ADGRV1: variants seen among roughly 807,000 people sequenced by gnomAD.
The protein encoded by ADGRV1 is adhesion G protein-coupled receptor V1.
ADGRV1 carries 359 observed loss-of-function variants against 596.2 expected under a neutral mutation model. That is an observed-to-expected ratio of 0.60 (90% confidence interval 0.55 to 0.66). The LOEUF (loss-of-function observed/expected upper bound fraction) is 0.66, where lower values mean the gene tolerates loss of function less well. Among genes scored for constraint, ADGRV1 ranks in the 30% least tolerant of loss-of-function variants. The pLI, the probability that ADGRV1 is intolerant of heterozygous loss-of-function variation, is 0.00. For synonymous variants in ADGRV1, 2,681 were observed against 2,679.2 expected, an observed-to-expected ratio of 1.00 and a Z score of -0.02; for missense variants, 7,274 against 7,575.6, an observed-to-expected ratio of 0.96 and a Z score of 1.48.
At chr5:90,950,712 T>G (rs755522202) in intron 83 of ADGRV1, among the ~76,000 whole-genome samples, 1 of 152,286 alleles carries the variant, frequency 6.6e-6, no homozygotes, top group East Asian at 1.9e-4. Context: ...TTTGAGTAAC[T>G]TAAACCATTG....
intron 21 of ADGRV1, among the ~76,000 whole-genome samples, chr5:90,666,989 C>T (rs1406713387): frequency 6.6e-6 from 1 of 152,136 alleles, no homozygotes; most frequent in African/African-American, 2.4e-5. Context: ...CGTTGTTAGT[C>T]TGATGGGCTT....
rs1758491699 is a variant in ADGRV1 at position 90,778,472 on chromosome 5, C to T, written c.12712C>T (p.Gln4238Ter). 8 of 1,612,904 alleles carry T rather than the reference C, an allele frequency of 5.0e-6. No homozygotes were observed. Among genetic ancestry groups the T allele is most frequent in the African/African-American group, 2.7e-5 (2 of 74,808 alleles). ...CGAGGAAAAAAGCTTCTATGAGTTT[C>T]AGCTCACTGCAGTCAGTGAGGGAGG... ...IPEEKSFYEFQLTAVSEGGVL... is the reference protein window; with the variant it reads ...IPEEKSFYEF The change falls in exon 63 of 90, where the codon CAG becomes TAG. Residue 4238 changes from glutamine (Q) to a stop codon, truncating the protein, a stop_gained. Coordinates refer to ENST00000405460, the MANE Select transcript of ADGRV1 (RefSeq NM_032119.4). LOFTEE classifies it high-confidence loss of function.
Position 90,898,942 on chromosome 5 carries a change from T to C in ADGRV1, c.17856+35085T>C, listed in dbSNP as rs1223489604. Among the ~76,000 whole-genome samples, 3 of 151,962 alleles carry C rather than the reference T, an allele frequency of 2.0e-5. No individual in the cohort carries two copies. In the East Asian group the frequency reaches 5.8e-4, roughly 29 times the overall value. On this transcript the variant is annotated intron_variant, in intron 83 of 89. Transcript: ENST00000405460. ...GCCTGGGAAATAGAGTGAGACCCTG[T>C]CTCTAAAAAAATAAAATAAAATAAA... is the stretch of plus-strand genomic sequence containing the variant.
rs2150231208 is a variant in ADGRV1, at chr5:90,811,218, G to A, written c.15958G>A (p.Asp5320Asn). 1.2e-6 allele frequency: 2 copies of A among 1,613,166 alleles called. No individual in the cohort carries two copies. Residue 5320 changes from aspartate (D) to asparagine (N), a missense_variant, in exon 74 of 90, where the codon GAT becomes AAT. By Grantham distance (23) the Asp-to-Asn change is conservative. Around this residue, in one of 5 missense-constraint regions of ADGRV1, gnomAD observed 1,874 missense variants for 1,970.2 expected, o/e 0.95. Coordinates refer to ENST00000405460, the MANE Select transcript of ADGRV1 (RefSeq NM_032119.4). ...RKVSVQILDDDEPEGQEFFYV... is the reference protein window; with the variant it reads ...RKVSVQILDDNEPEGQEFFYV... ...AGTATCAGTTCAAATTTTGGATGAT[G>A]ATGAGCCTGAGGGGCAGGAATTCTT... is the stretch of plus-strand genomic sequence containing the variant.
chr5:91,079,465 AGT>A (rs1789147063), intron 86 of ADGRV1, among the ~76,000 whole-genome samples: 1 of 152,210 alleles, frequency 6.6e-6, no homozygotes, highest in Non-Finnish European at 1.5e-5. Flanking sequence ...GTAGTCATTC[AGT>A]GTTTGTTTTC....
intron 52 of ADGRV1, among the ~76,000 whole-genome samples, chr5:90,750,287 G>A (rs1229128440): frequency 6.6e-6 from 1 of 152,106 alleles, no homozygotes; most frequent in African/African-American, 2.4e-5. Context: ...AACAAAATTT[G>A]AAAAATATAG....
Position 91,078,149 on chromosome 5 carries a change from C to T in ADGRV1, c.18310+5545C>T, listed in dbSNP as rs376222899. On this transcript the variant is annotated intron_variant, in intron 86 of 89. Transcript: ENST00000405460. ...GAGCATTATTTGAGGATGAATGCTT[C>T]CATTTCTTCAACCTTAGAGTGAACA... 1.3e-4 allele frequency among the ~76,000 whole-genome samples: 20 copies of T among 152,144 alleles called. No homozygotes were observed. In the South Asian group the frequency reaches 4.0e-3, roughly 30 times the overall value.
intron 85 of ADGRV1, among the ~76,000 whole-genome samples, chr5:91,028,739 T>TTTTG (rs1384264941): frequency 2.0e-5 from 3 of 148,162 alleles, no homozygotes; most frequent in East Asian, 2.0e-4. Context: ...TCTGTTTTTT[T>TTTTG]TTTTTTTTTT....
intron 83 of ADGRV1, among the ~76,000 whole-genome samples, chr5:90,907,664 T>A (rs1772451931): frequency 1.3e-5 from 2 of 152,098 alleles, no homozygotes; most frequent in South Asian, 4.1e-4. Flanking sequence ...CAACCTCAAA[T>A]GGCTGGGCAT....
chr5:90,790,486 T>C (rs1477919654), intron 69 of ADGRV1, among the ~76,000 whole-genome samples: 2 of 152,222 alleles, frequency 1.3e-5, no homozygotes, highest in Non-Finnish European at 2.9e-5. Context: ...ATAGTCCTTT[T>C]TTATTAAAAA....
chr5:90,683,717 T>C lies in ADGRV1; in HGVS notation c.5796T>C (p.Thr1932=). 6.2e-7 allele frequency: 1 copy of C among 1,613,912 alleles called. No homozygotes were observed. Among genetic ancestry groups the C allele is most frequent in the Non-Finnish European group, 8.5e-7 (1 of 1,179,858 alleles). ...FEIGQTSANI[T]VEILPDEDPE... is the part of the protein sequence containing the mutation. ...TTGGGCAGACGAGCGCCAATATCAC[T>C]GTGGAGATATTGCCTGACGAAGACC... The change falls in exon 28 of 90, where the codon ACT becomes ACC. Residue 1932 remains threonine, a synonymous_variant. Transcript: ENST00000405460.
At chr5:91,049,556 T>C (rs911059961) in intron 85 of ADGRV1, among the ~76,000 whole-genome samples, 4 of 152,218 alleles carry the variant, frequency 2.6e-5, no homozygotes, top group African/African-American at 9.7e-5. Flanking sequence ...TGGCCATACC[T>C]GGACACTTGT....
At position 90,811,024 on chromosome 5, in the gene ADGRV1, T is replaced by C; in HGVS notation, c.15764T>C (p.Val5255Ala). 1 of 1,614,014 alleles carries C rather than the reference T, an allele frequency of 6.2e-7. No homozygotes were observed. Among genetic ancestry groups the C allele is most frequent in the Non-Finnish European group, 8.5e-7 (1 of 1,179,894 alleles). ...IRRTGGFTGN[V>A]SITVKTFGER... ...AGAACTGGTGGGTTTACTGGCAATG[T>C]CAGCATAACAGTTAAAACTTTCGGT... Residue 5255 changes from valine to alanine, a missense_variant, in exon 74 of 90, where the codon GTC (valine) becomes GCC (alanine). Coordinates refer to ENST00000405460, the MANE Select transcript of ADGRV1 (RefSeq NM_032119.4).
intron 85 of ADGRV1, among the ~76,000 whole-genome samples, chr5:91,008,510 T>A (rs561064024): frequency 5.9e-5 from 9 of 152,262 alleles, no homozygotes; most frequent in Admixed American, 5.9e-4. Context: ...TTATTTATTT[T>A]TTTATTTATT....
intron 86 of ADGRV1, among the ~76,000 whole-genome samples, chr5:91,089,791 A>T (rs554237542): frequency 6.6e-6 from 1 of 152,292 alleles, no homozygotes; most frequent in South Asian, 2.1e-4. Flanking sequence ...TCCAAAAATT[A>T]TGAGACCATT....
chr5:90,721,389 A>G (rs899693802), intron 45 of ADGRV1, among the ~76,000 whole-genome samples: 3 of 151,804 alleles, frequency 2.0e-5, no homozygotes, highest in Non-Finnish European at 4.4e-5. Flanking sequence ...CTGTGGTCCC[A>G]GCTACTCGGG....
At chr5:90,628,460 GT>G (rs1480595789) in intron 7 of ADGRV1, 101 bp from the exon 8 acceptor site, 6 of 930,526 alleles carry the variant, frequency 6.4e-6, no homozygotes, top group Non-Finnish European at 8.4e-6. Flanking sequence ...TATAGATTCT[GT>G]TTTTATCAGT....
chr5:91,071,545 C>T (rs369416407), intron 85 of ADGRV1, among the ~76,000 whole-genome samples: 6 of 151,972 alleles, frequency 3.9e-5, no homozygotes, highest in Admixed American at 3.3e-4. Context: ...GTTTAATTTT[C>T]GTTGAAGTCT....
At position 90,595,594 on chromosome 5, in the gene ADGRV1, C is replaced by T. The variant is rs537470111; in HGVS notation, c.23-19241C>T. On this transcript the variant is annotated intron_variant, in intron 1 of 89. Transcript: ENST00000405460. Reference sequence around the variant, plus strand: ...CCCCCAACCTCCCTCCCAGATGGGGCGGCTGGCCGGGCGGGGGGCTGACCC... The same window carrying T: ...CCCCCAACCTCCCTCCCAGATGGGGTGGCTGGCCGGGCGGGGGGCTGACCC... Among the ~76,000 whole-genome samples the T allele has an allele frequency of 5.5e-3, 708 of 128,744 alleles. 16 individuals are homozygous for T. The highest frequency in any genetic ancestry group is 0.023 in the Middle Eastern group (5 of 218). The allele number at this position is 128,744 out of a possible 152,430, so 84.5% of individuals were successfully genotyped here.
Sources: gnomAD v4.1 joint callset for allele counts (sites outside exome capture counted in the v4.1 genomes callset) on GRCh38, gnomAD v4.1.1 for gene constraint, gnomAD v4.1.1 regional missense constraint, MANE v1.5 for transcripts, NCBI Gene and HGNC (gene_info 2026-07-23, HGNC 2026-07-21) for gene names.